Variants in ZNF804A observed in about 807,000 individuals in gnomAD.
ZNF804A encodes the protein zinc finger protein 804A.
ZNF804A carries 2 observed loss-of-function variants against 16.5 expected under a neutral mutation model. The observed-to-expected ratio is 0.12, with a 90% CI of 0.05 to 0.38. ZNF804A has a LOEUF of 0.38. Ranked by LOEUF, ZNF804A falls within the 10% of genes least tolerant of loss-of-function variation. The pLI is 0.99. For synonymous variants in ZNF804A, 534 were observed against 489.6 expected (o/e 1.09, Z -1.20); for missense variants, 1,473 against 1,390.7 (o/e 1.06, Z -0.94).
At chr2:184,796,015 A>G (rs907585856) in intron 1 of ZNF804A, among the ~76,000 whole-genome samples, 2 of 152,074 alleles carry the variant, frequency 1.3e-5, no homozygotes, top group Non-Finnish European at 2.9e-5. Context: ...GTGGTGAATC[A>G]CATTTATTGA....
At chr2:184,647,192 A>G (rs1231905343) in intron 1 of ZNF804A, among the ~76,000 whole-genome samples, 2 of 152,212 alleles carry the variant, frequency 1.3e-5, no homozygotes, top group African/African-American at 2.4e-5. Flanking sequence ...AGATAGGAAA[A>G]GGGAAAGAAA....
intron 1 of ZNF804A, among the ~76,000 whole-genome samples, chr2:184,661,643 G>C (rs1425314346): frequency 6.6e-6 from 1 of 152,148 alleles, no homozygotes; most frequent in African/African-American, 2.4e-5. Flanking sequence ...AACCAATAGA[G>C]AAGAGAGAGG....
intron 1 of ZNF804A, among the ~76,000 whole-genome samples, chr2:184,783,947 A>G (rs1694410142): frequency 6.6e-6 from 1 of 152,016 alleles, no homozygotes; most frequent in Admixed American, 6.6e-5. Flanking sequence ...CAATCACCAC[A>G]TTTAGATTGA....
chr2:184,675,140 A>G (rs1559123360), intron 1 of ZNF804A, among the ~76,000 whole-genome samples: 1 of 151,874 alleles, frequency 6.6e-6, no homozygotes, highest in African/African-American at 2.4e-5. Context: ...GAATGTATAT[A>G]TAGATGTAGA....
chr2:184,634,336 C>T (rs1321302698), intron 1 of ZNF804A, among the ~76,000 whole-genome samples: 1 of 152,074 alleles, frequency 6.6e-6, no homozygotes, highest in Admixed American at 6.6e-5. Context: ...AGGCAATTGC[C>T]CCCCTCAGAT....
intron 2 of ZNF804A, among the ~76,000 whole-genome samples, chr2:184,880,463 T>C (rs568222543): frequency 6.6e-6 from 1 of 151,728 alleles, no homozygotes; most frequent in African/African-American, 2.4e-5. Context: ...TTAAGACACA[T>C]TTTTTAAAAA....
At chr2:184,930,370 T>C (rs1227782959) in intron 2 of ZNF804A, among the ~76,000 whole-genome samples, 1 of 152,184 alleles carries the variant, frequency 6.6e-6, no homozygotes, top group Non-Finnish European at 1.5e-5. Context: ...ATCTATACAA[T>C]TGAGACATTT....
rs1685786753 is a variant in ZNF804A, at chr2:184,936,366, A to G, written c.970A>G (p.Asn324Asp). Reference protein sequence around the residue: ...FQLQLSSDADNCQNSVPLADQ... With the variant: ...FQLQLSSDADDCQNSVPLADQ... ...ACTTCAGTTATCTTCTGATGCAGAT[A>G]ATTGTCAAAATTCAGTCCCATTAGC... Residue 324 changes from asparagine to aspartate, a missense_variant, in exon 4 of 4, where the codon AAT (asparagine) becomes GAT (aspartate). Physicochemically the swap from Asn to Asp is conservative, Grantham distance 23. Coordinates refer to ENST00000302277, the MANE Select transcript of ZNF804A (RefSeq NM_194250.2). 1 of 1,613,912 alleles carries G rather than the reference A, an allele frequency of 6.2e-7. No homozygotes were observed. The highest frequency in any genetic ancestry group is 8.5e-7 in the Non-Finnish European group (1 of 1,179,968).
intron 1 of ZNF804A, among the ~76,000 whole-genome samples, chr2:184,760,334 T>A (rs1274147580): frequency 6.6e-6 from 1 of 152,176 alleles, no homozygotes; most frequent in Non-Finnish European, 1.5e-5. Flanking sequence ...ATGTAATATG[T>A]AAATAAGTAC....
chr2:184,845,083 CTTTG>C (rs1225628683), intron 1 of ZNF804A, among the ~76,000 whole-genome samples: 1 of 151,852 alleles, frequency 6.6e-6, no homozygotes, highest in Non-Finnish European at 1.5e-5. Flanking sequence ...ATTCCTGTCT[CTTTG>C]TTTATATAAC....
At chr2:184,687,536 A>G (rs548211909) in intron 1 of ZNF804A, among the ~76,000 whole-genome samples, 79 of 152,340 alleles carry the variant, frequency 5.2e-4, no homozygotes, top group African/African-American at 1.9e-3. Flanking sequence ...AAGACATAAC[A>G]CAAGGACTAA....
At chr2:184,808,860 C>T (rs906230197) in intron 1 of ZNF804A, among the ~76,000 whole-genome samples, 1 of 151,544 alleles carries the variant, frequency 6.6e-6, no homozygotes, top group Admixed American at 6.6e-5. Flanking sequence ...TATGTATAGC[C>T]ACAAGCATAT....
At chr2:184,789,413 A>G (rs1694498105) in intron 1 of ZNF804A, among the ~76,000 whole-genome samples, 1 of 152,146 alleles carries the variant, frequency 6.6e-6, no homozygotes, top group Admixed American at 6.6e-5. Flanking sequence ...GATTGATAAC[A>G]GCTCTTCTTT....
Position 184,935,837 on chromosome 2 carries a change from C to G in ZNF804A, c.441C>G (p.Asn147Lys). 6.2e-7 allele frequency: 1 copy of G among 1,613,346 alleles called. No homozygotes were observed. The highest frequency in any genetic ancestry group is 8.5e-7 in the Non-Finnish European group (1 of 1,179,676). ...CAACAACTGTTACTGTGAGAGAAAACTGTAATGAAATTTCCCAACGAGTTG... is the reference window on the plus strand; with the variant it reads ...CAACAACTGTTACTGTGAGAGAAAAGTGTAATGAAATTTCCCAACGAGTTG... ...FKSTTVTVRE[N>K]CNEISQRVVV... The change falls in exon 4 of 4, where the codon AAC becomes AAG. Residue 147 changes from asparagine (N) to lysine (K), a missense_variant. Transcript: ENST00000302277.
chr2:184,602,263 G>C (rs1220982379), intron 1 of ZNF804A, among the ~76,000 whole-genome samples: 1 of 151,836 alleles, frequency 6.6e-6, no homozygotes, highest in African/African-American at 2.4e-5. Context: ...ATTTTGCAAT[G>C]TCTTACAAGC....
chr2:184,887,568 CA>C (rs1334079188), intron 2 of ZNF804A, among the ~76,000 whole-genome samples: 1 of 152,120 alleles, frequency 6.6e-6, no homozygotes, highest in Admixed American at 6.6e-5. Flanking sequence ...CTTACAGTTC[CA>C]AATAGCTGGT....
intron 1 of ZNF804A, among the ~76,000 whole-genome samples, chr2:184,653,410 T>C (rs564462673): frequency 1.5e-4 from 23 of 152,262 alleles, no homozygotes; most frequent in African/African-American, 5.3e-4. Flanking sequence ...GCAACATCAG[T>C]TCTCGCCTCC....
At chr2:184,704,250 C>A (rs1692983603) in intron 1 of ZNF804A, among the ~76,000 whole-genome samples, 1 of 151,682 alleles carries the variant, frequency 6.6e-6, no homozygotes, top group African/African-American at 2.4e-5. Flanking sequence ...CTCCCGAGAT[C>A]AAGCAATTCA....
At chr2:184,866,101 C>CA (rs1695874106) in intron 1 of ZNF804A, among the ~76,000 whole-genome samples, 1 of 152,126 alleles carries the variant, frequency 6.6e-6, no homozygotes, top group Admixed American at 6.6e-5. Context: ...GGAACTTGTT[C>CA]AATCAAGGAC....
Sources: allele counts gnomAD v4.1 joint callset (sites outside exome capture counted in the v4.1 genomes callset), GRCh38; gene constraint gnomAD v4.1.1; transcripts MANE v1.5; gene names NCBI Gene and HGNC (gene_info 2026-07-23, HGNC 2026-07-21).